The following KAT6B variants were observed in gnomAD, a reference collection of about 807,000 sequenced individuals.
KAT6B encodes lysine acetyltransferase 6B.
Under a neutral mutation model 187.5 loss-of-function variants are expected in KAT6B, and 10 were observed. The ratio of observed to expected loss-of-function variants is 0.05; its 90% CI spans 0.03 to 0.09. KAT6B has a LOEUF of 0.09. KAT6B is among the 10% of genes least tolerant of loss of function. The probability of loss-of-function intolerance (pLI) is 1.00; values close to 1 mark genes in which losing one functional copy is unlikely to be tolerated. For missense variants in KAT6B, 1,952 were observed against 2,558.9 expected (o/e 0.76, Z 5.12); for synonymous variants, 861 against 926.8 (o/e 0.93, Z 1.29).
chr10:74,958,083 A>G (rs1840815116), intron 3 of KAT6B, among the ~76,000 whole-genome samples: 1 of 152,248 alleles, frequency 6.6e-6, no homozygotes, highest in Non-Finnish European at 1.5e-5. Flanking sequence ...CCCTTGTAAG[A>G]TGAGATTTGC....
chr10:74,894,227 A>G (rs1285910362), intron 3 of KAT6B, among the ~76,000 whole-genome samples: 1 of 152,114 alleles, frequency 6.6e-6, no homozygotes, highest in East Asian at 1.9e-4. Context: ...AACTATAGGC[A>G]TGAGCCACCA....
rs1198230979 is a variant in KAT6B, at chr10:74,985,422, TAA to T, written c.2535+182_2535+183del. Among the ~76,000 whole-genome samples, 5 of 152,242 alleles carry T rather than the reference TAA, an allele frequency of 3.3e-5. No homozygotes were observed. In the East Asian group the frequency reaches 9.6e-4, roughly 29 times the overall value. On this transcript the variant is annotated intron_variant, in intron 12 of 17. Transcript: ENST00000287239. ...TGAAAACAAAAAACATGGTGCCTAG[TAA>T]GTGTGTAAAGGACCTCAGCACTGTG...
intron 13 of KAT6B, among the ~76,000 whole-genome samples, chr10:75,019,536 G>A (rs993244289): frequency 6.6e-6 from 1 of 152,186 alleles, no homozygotes; most frequent in African/African-American, 2.4e-5. Flanking sequence ...GATTTGGGTG[G>A]TTTATGGAGC....
chr10:74,972,714 T>A, intron 7 of KAT6B, 75 bp downstream of exon 7: 1 of 1,372,486 alleles, frequency 7.3e-7, no homozygotes, highest in Non-Finnish European at 1.0e-6. Context: ...TCTCTCAGAT[T>A]CCTTTAGGGG....
intron 9 of KAT6B, 43 bp from the exon 10 acceptor site, chr10:74,979,176 TAAGTG>T (rs757327434): frequency 7.5e-7 from 1 of 1,338,502 alleles, no homozygotes; most frequent in Non-Finnish European, 1.1e-6. Context: ...AACCAAAATG[TAAGTG>T]AAGTATATAT....
chr10:75,011,968 C>G (rs1395733522), intron 13 of KAT6B, among the ~76,000 whole-genome samples: 2 of 152,118 alleles, frequency 1.3e-5, no homozygotes, highest in African/African-American at 4.8e-5. Flanking sequence ...GTGCTGTACC[C>G]CATTTAATAT....
chr10:74,981,830 A>G lies in KAT6B; in HGVS notation c.2275A>G (p.Lys759Glu). The change falls in exon 11 of 18, where the codon AAA becomes GAA. Residue 759 changes from lysine (K) to glutamate (E), a missense_variant. Coordinates refer to ENST00000287239, the MANE Select transcript of KAT6B (RefSeq NM_012330.4). The part of the protein sequence containing the change: ...YLCEFCLKYM[K>E]SKNILLRHSK... ...GTGTGAATTCTGTCTTAAATATATG[A>G]AAAGTAAAAATATTTTGCTAAGACA... 6.3e-7 allele frequency: 1 copy of G among 1,577,922 alleles called. No individual in the cohort carries two copies. The highest frequency in any genetic ancestry group is 8.7e-7 in the Non-Finnish European group (1 of 1,147,236).
intron 13 of KAT6B, among the ~76,000 whole-genome samples, chr10:75,015,593 C>G (rs1589812479): frequency 6.6e-6 from 1 of 152,206 alleles, no homozygotes. Context: ...CATCTCCAAG[C>G]ATGAGATAAC....
intron 3 of KAT6B, among the ~76,000 whole-genome samples, chr10:74,850,029 T>G (rs1394453054): frequency 2.0e-5 from 3 of 151,806 alleles, no homozygotes; most frequent in Admixed American, 6.6e-5. Context: ...AGCTCCGCCT[T>G]CCGGGTTCAC....
Position 74,910,006 on chromosome 10 carries a change from A to G in KAT6B, c.622-49964A>G, listed in dbSNP as rs117687773. ...CATTTATCTATTGAATAGGATGTCT[A>G]TTGAAAGGAAAAACCTCCCCTAATC... On this transcript the variant is annotated intron_variant, in intron 3 of 17. Transcript: ENST00000287239. Among the ~76,000 whole-genome samples the G allele has an allele frequency of 3.5e-3, 532 of 151,884 alleles. 14 individuals carry two copies. The East Asian group carries it at 0.061, about 17-fold the overall frequency.
intron 13 of KAT6B, among the ~76,000 whole-genome samples, chr10:75,000,104 A>G (rs554533992): frequency 1.3e-5 from 2 of 152,186 alleles, no homozygotes; most frequent in South Asian, 2.1e-4. Context: ...CCTGGGAAGC[A>G]GAGGTTGCAG....
intron 3 of KAT6B, among the ~76,000 whole-genome samples, chr10:74,935,707 G>A (rs1849218628): frequency 1.3e-5 from 2 of 152,172 alleles, no homozygotes; most frequent in South Asian, 4.1e-4. Context: ...TGTACCAGTT[G>A]TTTCTACACA....
chr10:74,966,386 G>C (rs1250690999), intron 4 of KAT6B, among the ~76,000 whole-genome samples: 1 of 152,216 alleles, frequency 6.6e-6, no homozygotes, highest in Non-Finnish European at 1.5e-5. Context: ...AACAGGTATA[G>C]TATGTTTACA....
At chr10:74,844,446 G>A (rs1482616980) in intron 3 of KAT6B, among the ~76,000 whole-genome samples, 2 of 152,154 alleles carry the variant, frequency 1.3e-5, no homozygotes, top group Non-Finnish European at 2.9e-5. Flanking sequence ...TGATCCACCC[G>A]CTTTGGTCTC....
chr10:74,845,687 G>C (rs1160620047), intron 3 of KAT6B, among the ~76,000 whole-genome samples: 2 of 151,274 alleles, frequency 1.3e-5, no homozygotes, highest in Non-Finnish European at 2.9e-5. Context: ...TTGTAGAGAT[G>C]GGGTTTTGCC....
At chr10:75,020,987 G>C in intron 14 of KAT6B, 139 bp from the exon 15 acceptor site, 1 of 994,822 alleles carries the variant, frequency 1.0e-6, no homozygotes, top group East Asian at 2.4e-5. Flanking sequence ...TTGGATTCCA[G>C]TGTTCTGTAC....
intron 10 of KAT6B, 84 bp from the exon 11 acceptor site, chr10:74,981,703 T>A: frequency 2.0e-6 from 2 of 1,021,164 alleles, no homozygotes; most frequent in Non-Finnish European, 3.1e-6. Context: ...CTTTTTATGA[T>A]GTAGAGAAAA....
At chr10:74,990,828 A>G (rs1843085890) in intron 13 of KAT6B, among the ~76,000 whole-genome samples, 1 of 152,210 alleles carries the variant, frequency 6.6e-6, no homozygotes, top group African/African-American at 2.4e-5. Flanking sequence ...CTATATGCCT[A>G]CAGAATAAGG....
intron 3 of KAT6B, among the ~76,000 whole-genome samples, chr10:74,919,496 G>A (rs1290732098): frequency 1.3e-5 from 2 of 151,990 alleles, no homozygotes; most frequent in Non-Finnish European, 2.9e-5. Flanking sequence ...TGCCTCCTGG[G>A]TTCAAGCTAT....
Sources: allele counts gnomAD v4.1 joint callset (sites outside exome capture counted in the v4.1 genomes callset), GRCh38; gene constraint gnomAD v4.1.1; transcripts MANE v1.5; gene names NCBI Gene and HGNC (gene_info 2026-07-23, HGNC 2026-07-21).